The following MAST4 variants were observed in gnomAD, a reference collection of about 807,000 sequenced individuals.
MAST4 encodes microtubule associated serine/threonine kinase family member 4, also known as microtubule-associated serine/threonine-protein kinase 4.
A neutral mutation model predicts 162.7 loss-of-function variants in MAST4; 89 were observed. That is an observed-to-expected ratio of 0.55 (90% CI 0.46 to 0.65). The LOEUF (loss-of-function observed/expected upper bound fraction) is 0.65, where lower values mean the gene tolerates loss of function less well. Ranked by LOEUF, MAST4 falls within the 30% of genes least tolerant of loss-of-function variation. The pLI is 0.00. For missense variants in MAST4, 3,153 were observed against 3,374.0 expected (o/e 0.93, Z 1.62); for synonymous variants, 1,479 against 1,361.1 (o/e 1.09, Z -1.91).
At chr5:66,890,799 C>G (rs1407239692) in intron 3 of MAST4, among the ~76,000 whole-genome samples, 1 of 152,156 alleles carries the variant, frequency 6.6e-6, no homozygotes, top group Non-Finnish European at 1.5e-5. Flanking sequence ...ACAAGCTAAG[C>G]CTTCTACCAG....
intron 5 of MAST4, 53 bp from the exon 6 acceptor site, chr5:67,090,108 TG>T: frequency 8.3e-7 from 1 of 1,205,498 alleles, no homozygotes; most frequent in Non-Finnish European, 1.2e-6. Flanking sequence ...ATTATTGATG[TG>T]GAAATGATAC....
At chr5:66,855,241 G>A (rs1759592521) in intron 3 of MAST4, among the ~76,000 whole-genome samples, 1 of 152,040 alleles carries the variant, frequency 6.6e-6, no homozygotes, top group Non-Finnish European at 1.5e-5. Flanking sequence ...AAAGTGTGTG[G>A]CATCTTCCCC....
At chr5:66,657,701 A>G (rs1746641601) in intron 1 of MAST4, among the ~76,000 whole-genome samples, 1 of 152,174 alleles carries the variant, frequency 6.6e-6, no homozygotes, top group Admixed American at 6.5e-5. Flanking sequence ...AGTTCTGCTT[A>G]TTTCTATGTG....
intron 1 of MAST4, among the ~76,000 whole-genome samples, chr5:66,743,823 T>C (rs1352172164): frequency 7.2e-5 from 11 of 152,198 alleles, no homozygotes; most frequent in Non-Finnish European, 1.6e-4. Context: ...TACTTATAAT[T>C]ATTTATTAAT....
chr5:66,620,047 C>CTTTT (rs200969306), intron 1 of MAST4, among the ~76,000 whole-genome samples: 2 of 133,842 alleles, frequency 1.5e-5, no homozygotes, highest in Non-Finnish European at 3.2e-5. Flanking sequence ...ACTTAGGTTG[C>CTTTT]TTTTTTTTTT....
rs572976304 is a variant in MAST4 at position 67,096,317 on chromosome 5, A to G, written c.912+642A>G. Among the ~76,000 whole-genome samples, 11 of 152,288 alleles carry G rather than the reference A, an allele frequency of 7.2e-5. No homozygotes were observed. The East Asian group carries it at 2.1e-3, about 29-fold the overall frequency. On this transcript the variant is annotated intron_variant, in intron 7 of 28. Coordinates refer to ENST00000403625, the MANE Select transcript of MAST4 (RefSeq NM_001164664.2). ...TACTGGAAACAACTCAGTAGGTTAG[A>G]TGTATGTTTTTTTAGTTTATGTTAG...
At chr5:66,966,346 T>C (rs1746730152) in intron 4 of MAST4, among the ~76,000 whole-genome samples, 2 of 152,210 alleles carry the variant, frequency 1.3e-5, no homozygotes, top group Admixed American at 6.5e-5. Context: ...AAAATGCTTA[T>C]TAAAGAATGA....
At chr5:66,643,761 G>C (rs2149438525) in intron 1 of MAST4, among the ~76,000 whole-genome samples, 1 of 151,192 alleles carries the variant, frequency 6.6e-6, no homozygotes, top group Non-Finnish European at 1.5e-5. Flanking sequence ...TATTCATTCT[G>C]TTTAAGTCAT....
intron 3 of MAST4, among the ~76,000 whole-genome samples, chr5:66,853,016 G>A (rs897407712): frequency 6.6e-6 from 1 of 152,206 alleles, no homozygotes; most frequent in African/African-American, 2.4e-5. Context: ...AGTCTTAAGA[G>A]GAGGGTGGTT....
chr5:67,028,592 GACTA>G (rs1268356305), intron 4 of MAST4, among the ~76,000 whole-genome samples: 14 of 152,134 alleles, frequency 9.2e-5, no homozygotes, highest in Non-Finnish European at 4.4e-5. Flanking sequence ...AAGACTGGAT[GACTA>G]ACTGAGTGAT....
At chr5:66,720,188 G>C (rs1318575225) in intron 1 of MAST4, among the ~76,000 whole-genome samples, 2 of 151,730 alleles carry the variant, frequency 1.3e-5, no homozygotes, top group Non-Finnish European at 2.9e-5. Context: ...TTTTTAAATG[G>C]AATGTTGGTA....
At chr5:66,968,201 C>T (rs1746986492) in intron 4 of MAST4, among the ~76,000 whole-genome samples, 1 of 152,200 alleles carries the variant, frequency 6.6e-6, no homozygotes, top group African/African-American at 2.4e-5. Context: ...TCTGCTTCAT[C>T]CCCCAACATC....
At chr5:67,092,041 G>A (rs763776031) in intron 6 of MAST4, among the ~76,000 whole-genome samples, 2 of 152,140 alleles carry the variant, frequency 1.3e-5, no homozygotes, top group African/African-American at 4.8e-5. Flanking sequence ...TAACATCTGG[G>A]ATATGTCTCT....
intron 1 of MAST4, among the ~76,000 whole-genome samples, chr5:66,608,052 T>A (rs1743008991): frequency 6.8e-6 from 1 of 148,058 alleles, no homozygotes; most frequent in East Asian, 2.0e-4. Flanking sequence ...CCTCACATGC[T>A]TACTTTTTTT....
At chr5:67,081,527 C>T (rs1762654088) in intron 5 of MAST4, among the ~76,000 whole-genome samples, 1 of 151,878 alleles carries the variant, frequency 6.6e-6, no homozygotes, top group Non-Finnish European at 1.5e-5. Flanking sequence ...TGGTTCAGAG[C>T]TCTCAGGGAC....
At chr5:67,085,250 T>C (rs1315959822) in intron 5 of MAST4, among the ~76,000 whole-genome samples, 1 of 152,124 alleles carries the variant, frequency 6.6e-6, no homozygotes, top group African/African-American at 2.4e-5. Context: ...TTTCAGCAAA[T>C]CCCGTTGGCT....
At chr5:66,890,316 G>A (rs1231388371) in intron 3 of MAST4, among the ~76,000 whole-genome samples, 1 of 152,124 alleles carries the variant, frequency 6.6e-6, no homozygotes, top group Non-Finnish European at 1.5e-5. Context: ...TGTAAACTTT[G>A]ACTTAGGAGA....
At chr5:67,158,345 G>T (rs1298115712) in intron 26 of MAST4, among the ~76,000 whole-genome samples, 1 of 152,102 alleles carries the variant, frequency 6.6e-6, no homozygotes, top group Non-Finnish European at 1.5e-5. Context: ...TGAAGTTAAA[G>T]CCCCCTTTCC....
intron 4 of MAST4, among the ~76,000 whole-genome samples, chr5:66,981,516 C>T (rs1205789593): frequency 1.3e-5 from 2 of 152,248 alleles, no homozygotes; most frequent in East Asian, 1.9e-4. Context: ...GATGGCAGCA[C>T]CTGCGCCAGG....
Sources: allele counts gnomAD v4.1 joint callset (sites outside exome capture counted in the v4.1 genomes callset), GRCh38; gene constraint gnomAD v4.1.1; transcripts MANE v1.5; gene names NCBI Gene and HGNC (gene_info 2026-07-23, HGNC 2026-07-21).